Variants in PHF11 observed in about 807,000 individuals in gnomAD.
PHF11 encodes the protein BRCA1 C-terminus-associated protein.
A neutral mutation model predicts 40.5 loss-of-function variants in PHF11; 38 were observed. That is an observed-to-expected ratio of 0.94 (90% confidence interval 0.72 to 1.23). The LOEUF (loss-of-function observed/expected upper bound fraction) is 1.23, where lower values mean the gene tolerates loss of function less well. Among genes scored for constraint, PHF11 ranks in the 50% most tolerant of loss-of-function variants. The pLI, the probability that PHF11 is intolerant of heterozygous loss-of-function variation, is 0.00. For missense variants in PHF11, 369 were observed against 392.4 expected (o/e 0.94, Z 0.50); for synonymous variants, 127 against 138.2 (o/e 0.92, Z 0.57).
intron 1 of PHF11, among the ~76,000 whole-genome samples, chr13:49,503,881 T>C (rs1336115862): frequency 6.6e-6 from 1 of 152,130 alleles, no homozygotes; most frequent in Non-Finnish European, 1.5e-5. Context: ...TACAGGTGTG[T>C]GCCACCATAC....
chr13:49,508,092 ATAAT>A (rs1260225691), intron 2 of PHF11, among the ~76,000 whole-genome samples: 3 of 148,422 alleles, frequency 2.0e-5, no homozygotes, highest in African/African-American at 4.9e-5. Flanking sequence ...TATATTATAA[ATAAT>A]TAATATAAAT....
At chr13:49,525,794 G>A (rs767385063) in intron 8 of PHF11, 3 of 456,236 alleles carry the variant, frequency 6.6e-6, no homozygotes, top group South Asian at 4.6e-5. Flanking sequence ...CCCAAACAGT[G>A]TGCCTGAGAA....
At position 49,526,209 on chromosome 13, in the gene PHF11, A is replaced by C. The variant is rs1959268298; in HGVS notation, c.770-178A>C. 2.4e-5 allele frequency: 13 copies of C among 552,452 alleles called. No homozygotes were observed. In the South Asian group the frequency reaches 3.2e-4, roughly 14 times the overall value. 34.2% of individuals were successfully genotyped at this position (552,452 alleles called of 1,614,324 possible). A position where few individuals can be genotyped will look rare whatever the true frequency, so the allele number is the denominator to read the frequency against. Reference sequence around the variant, plus strand: ...AAAAAAAGAAAAAAGAGAAATGCCAAGAATTACATTTCTGACAGCTTCCCT... The same window carrying C: ...AAAAAAAGAAAAAAGAGAAATGCCACGAATTACATTTCTGACAGCTTCCCT... On this transcript the variant is annotated intron_variant, in intron 8 of 9. Transcript: ENST00000378319.
chr13:49,506,686 C>G lies in PHF11; in HGVS notation c.146C>G (p.Pro49Arg). 6.2e-7 allele frequency: 1 copy of G among 1,609,496 alleles called. No homozygotes were observed. The highest frequency in any genetic ancestry group is 1.1e-5 in the South Asian group (1 of 90,972). Reference protein sequence around the residue: ...KMEKRTCALCPKDVEYNVLYF... With the variant: ...KMEKRTCALCRKDVEYNVLYF... The stretch of plus-strand genomic sequence containing the variant: ...GAAAAAAGGACATGTGCACTCTGCC[C>G]CAAAGATGTCGAATATAATGTCCTA... The change falls in exon 2 of 10, where the codon CCC becomes CGC. Residue 49 changes from proline to arginine, a missense_variant. Coordinates refer to ENST00000378319, the MANE Select transcript of PHF11 (RefSeq NM_001040443.3).
intron 1 of PHF11, 138 bp downstream of exon 1, chr13:49,496,233 C>T (rs1366582334): frequency 3.4e-5 from 22 of 639,656 alleles, no homozygotes; most frequent in African/African-American, 5.7e-5. Context: ...GACGCCGGGG[C>T]GGCGCTGGAC....
At chr13:49,519,525 C>T (rs1048330464) in intron 4 of PHF11, among the ~76,000 whole-genome samples, 20 of 151,956 alleles carry the variant, frequency 1.3e-4, no homozygotes, top group African/African-American at 4.8e-4. Context: ...ACCTTCATGC[C>T]TATCATACAT....
At chr13:49,500,726 ACAG>A (rs145329015) in intron 1 of PHF11, among the ~76,000 whole-genome samples, 8,983 of 152,258 alleles carry the variant, frequency 0.059, 390 homozygotes, top group Non-Finnish European at 0.091. Context: ...TGGGTCTAGC[ACAG>A]CAGTGTTGTC....
At chr13:49,516,694 T>A (rs1247061374) in intron 3 of PHF11, among the ~76,000 whole-genome samples, 1 of 151,986 alleles carries the variant, frequency 6.6e-6, no homozygotes, top group Non-Finnish European at 1.5e-5. Context: ...AGCCATCTTC[T>A]GGCTTCAGCC....
intron 4 of PHF11, among the ~76,000 whole-genome samples, chr13:49,518,986 C>G (rs1463073392): frequency 6.7e-6 from 1 of 148,996 alleles, no homozygotes; most frequent in Non-Finnish European, 1.5e-5. Context: ...CAGGCGCCCG[C>G]TACCACGCCC....
intron 9 of PHF11, among the ~76,000 whole-genome samples, chr13:49,527,813 T>C (rs930231152): frequency 6.6e-6 from 1 of 152,180 alleles, no homozygotes; most frequent in African/African-American, 2.4e-5. Flanking sequence ...CTGCATGAGA[T>C]TCAACTTAAA....
intron 1 of PHF11, chr13:49,497,314 G>A: frequency 1.5e-6 from 1 of 650,206 alleles, no homozygotes. Flanking sequence ...CTCAAACTGA[G>A]TATGTCCCAA....
chr13:49,499,702 T>C (rs1436736444), intron 1 of PHF11, among the ~76,000 whole-genome samples: 1 of 152,206 alleles, frequency 6.6e-6, no homozygotes, highest in Admixed American at 6.6e-5. Context: ...TAAAATTGGC[T>C]TCTACACATC....
intron 3 of PHF11, among the ~76,000 whole-genome samples, chr13:49,516,125 A>G (rs1189991610): frequency 6.6e-6 from 1 of 151,978 alleles, no homozygotes; most frequent in Non-Finnish European, 1.5e-5. Context: ...GAGGTGACCC[A>G]TTTTACTAAC....
In PHF11 at chr13:49,496,115, GCGGGC is replaced by G; in HGVS notation, c.94+21_94+25del. On this transcript the variant is annotated intron_variant, in intron 1 of 9. Coordinates refer to ENST00000378319, the MANE Select transcript of PHF11 (RefSeq NM_001040443.3). Reference sequence around the variant, plus strand: ...CCACCGGTGTGTACCGCGGGGGCGGGCGGGCGGGCGGGCGGGGCTGGGCAGCGACG... The same window carrying G: ...CCACCGGTGTGTACCGCGGGGGCGGGGGGCGGGCGGGGCTGGGCAGCGACG... 2 of 1,129,984 alleles carry G rather than the reference GCGGGC, an allele frequency of 1.8e-6. No individual in the cohort carries two copies. The highest frequency in any genetic ancestry group is 1.1e-6 in the Non-Finnish European group (1 of 880,290). 70.0% of individuals were successfully genotyped at this position (1,129,984 alleles called of 1,614,324 possible).
chr13:49,509,704 T>C (rs1216453390), intron 2 of PHF11, among the ~76,000 whole-genome samples: 2 of 152,210 alleles, frequency 1.3e-5, no homozygotes, highest in Non-Finnish European at 2.9e-5. Context: ...CTGATGGTTT[T>C]ATAAAGAGGA....
intron 6 of PHF11, among the ~76,000 whole-genome samples, chr13:49,522,679 G>T (rs1460278831): frequency 1.3e-5 from 2 of 151,808 alleles, no homozygotes; most frequent in East Asian, 3.9e-4. Context: ...TATACAAGGG[G>T]TGCTTGTCAA....
intron 1 of PHF11, chr13:49,497,234 G>C: frequency 7.8e-7 from 1 of 1,275,202 alleles, no homozygotes; most frequent in Non-Finnish European, 1.0e-6. Context: ...CACGGGAGAT[G>C]CGCTTCCATC....
chr13:49,503,301 T>A (rs894399593), intron 1 of PHF11, among the ~76,000 whole-genome samples: 3 of 151,780 alleles, frequency 2.0e-5, no homozygotes, highest in African/African-American at 7.3e-5. Flanking sequence ...TTGACAATAC[T>A]CCTTCCCACG....
chr13:49,518,324 CTATA>C (rs10569387), intron 4 of PHF11, 173 bp downstream of exon 4: 2,343 of 258,742 alleles, frequency 9.1e-3, no homozygotes, highest in East Asian at 0.022. Flanking sequence ...AGTGAAAAAT[CTATA>C]TATATATATA....
Sources: gnomAD v4.1 joint callset for allele counts (sites outside exome capture counted in the v4.1 genomes callset) on GRCh38, gnomAD v4.1.1 for gene constraint, MANE v1.5 for transcripts, NCBI Gene and HGNC (gene_info 2026-07-23, HGNC 2026-07-21) for gene names.